The following FEV variants were observed in gnomAD, a reference collection of about 807,000 sequenced individuals.
FEV encodes protein FEV.
FEV carries 14 observed loss-of-function variants against 20.5 expected under a neutral mutation model. The observed-to-expected ratio is 0.68, with a 90% CI of 0.45 to 1.07. The LOEUF (loss-of-function observed/expected upper bound fraction) is 1.07, where lower values mean the gene tolerates loss of function less well. FEV is among the 50% of genes least tolerant of loss of function. FEV has a pLI of 0.00. For synonymous variants in FEV, 188 were observed against 163.7 expected (o/e 1.15, Z -1.13); for missense variants, 301 against 345.3 (o/e 0.87, Z 1.02).
chr2:218,982,873 C>A (rs1431829757), intron 2 of FEV, among the ~76,000 whole-genome samples: 1 of 152,204 alleles, frequency 6.6e-6, no homozygotes, highest in Non-Finnish European at 1.5e-5. Context: ...CCTTGGGACA[C>A]CACATCCGAC....
At chr2:218,983,348 CT>C (rs1252189314) in intron 2 of FEV, among the ~76,000 whole-genome samples, 6 of 152,208 alleles carry the variant, frequency 3.9e-5, no homozygotes, top group African/African-American at 1.4e-4. Flanking sequence ...CAAATATAGT[CT>C]TTTGAACCCC....
chr2:218,982,035 C>T lies in FEV; in HGVS notation c.349G>A (p.Val117Met), dbSNP rs1315840129. 6.2e-7 allele frequency: 1 copy of T among 1,613,520 alleles called. No individual in the cohort carries two copies. Among genetic ancestry groups the T allele is most frequent in the Non-Finnish European group, 8.5e-7 (1 of 1,179,826 alleles). Residue 117 changes from valine to methionine, a missense_variant, in exon 3 of 3, where the codon GTG (valine) becomes ATG (methionine). Physicochemically the swap from Val to Met is conservative, Grantham distance 21. Transcript: ENST00000295727. ...YYYDKNIMSK[V>M]HGKRYAYRFD... Reference sequence around the variant, plus strand: ...CGGTAGGCGTAGCGCTTGCCATGCACCTTGCTCATGATGTTCTTGTCGTAG... The same window carrying T: ...CGGTAGGCGTAGCGCTTGCCATGCATCTTGCTCATGATGTTCTTGTCGTAG...
chr2:218,982,003 G>A lies in FEV; in HGVS notation c.381C>T (p.Asp127=), dbSNP rs779397610. Residue 127 remains aspartate (D), a synonymous_variant, in exon 3 of 3, where the codon GAC becomes GAT. Coordinates refer to ENST00000295727, the MANE Select transcript of FEV (RefSeq NM_017521.3). The part of the protein sequence containing the change: ...VHGKRYAYRF[D]FQGLAQACQP... ...GGCAGGCCTGCGCCAGGCCCTGGAA[G>A]TCGAAGCGGTAGGCGTAGCGCTTGC... The A allele has an allele frequency of 4.3e-6, 7 of 1,611,476 alleles. No individual in the cohort carries two copies. The highest frequency in any genetic ancestry group is 5.9e-6 in the Non-Finnish European group (7 of 1,179,086).
intron 2 of FEV, among the ~76,000 whole-genome samples, chr2:218,982,849 G>A (rs921907546): frequency 1.2e-4 from 18 of 152,232 alleles, no homozygotes; most frequent in African/African-American, 4.3e-4. Flanking sequence ...CTGAGGTGGA[G>A]TGGTGGCTGG....
rs754550407 is a variant in FEV, at chr2:218,982,287, G to A, written c.128-31C>T. ...GGGAGGGGGGCGGTCAGCCACAGGC[G>A]GGAGCGGGGAGGCGGGAACTGGGGA... On this transcript the variant is annotated intron_variant, in intron 2 of 2. Transcript: ENST00000295727. 2.6e-6 allele frequency: 4 copies of A among 1,524,706 alleles called. No homozygotes were observed. The South Asian group carries it at 3.7e-5, about 14-fold the overall frequency. The allele number at this position is 1,524,706 out of a possible 1,614,324, so 94.4% of individuals were successfully genotyped here. A position where few individuals can be genotyped will look rare whatever the true frequency, so the allele number is the denominator to read the frequency against.
intron 2 of FEV, among the ~76,000 whole-genome samples, chr2:218,983,092 G>C (rs985176606): frequency 1.8e-4 from 28 of 152,206 alleles, no homozygotes; most frequent in African/African-American, 6.3e-4. Context: ...GGAACGGACC[G>C]AGCAGCTGTT....
chr2:218,983,365 C>CTTTTTTTTTTTTTTTTTTTTTTT (rs1559099849), intron 2 of FEV, among the ~76,000 whole-genome samples: 2 of 152,296 alleles, frequency 1.3e-5, no homozygotes, highest in African/African-American at 4.8e-5. Context: ...ACCCCTCTTA[C>CTTTTTTTTTTTTTTTTTTTTTTT]TTTTTCAGCC....
chr2:218,983,020 C>T (rs1318295128), intron 2 of FEV, among the ~76,000 whole-genome samples: 1 of 152,204 alleles, frequency 6.6e-6, no homozygotes, highest in Non-Finnish European at 1.5e-5. Context: ...TCGGAACAGG[C>T]GGGATTCCCT....
intron 2 of FEV, among the ~76,000 whole-genome samples, chr2:218,983,454 C>T (rs1945409427): frequency 6.6e-6 from 1 of 152,216 alleles, no homozygotes; most frequent in Non-Finnish European, 1.5e-5. Flanking sequence ...AAAGAGCTTC[C>T]TGGTTTCTGG....
At position 218,982,030 on chromosome 2, in the gene FEV, A is replaced by G. The variant is rs1409876459; in HGVS notation, c.354T>C (p.His118=). The change falls in exon 3 of 3, where the codon CAT becomes CAC. Residue 118 remains histidine, a synonymous_variant. Coordinates refer to ENST00000295727, the MANE Select transcript of FEV (RefSeq NM_017521.3). ...YYDKNIMSKV[H]GKRYAYRFDF... ...CGAAGCGGTAGGCGTAGCGCTTGCC[A>G]TGCACCTTGCTCATGATGTTCTTGT... 3 of 1,613,448 alleles carry G rather than the reference A, an allele frequency of 1.9e-6. No homozygotes were observed. Among genetic ancestry groups the G allele is most frequent in the Non-Finnish European group, 2.5e-6 (3 of 1,179,812 alleles).
Position 218,981,825 on chromosome 2 carries a change from C to A in FEV, c.559G>T (p.Val187Phe), listed in dbSNP as rs1945389547. The A allele has an allele frequency of 2.4e-6, 3 of 1,238,500 alleles. No individual in the cohort carries two copies. The highest frequency in any genetic ancestry group is 3.3e-5 in the East Asian group (1 of 30,694). The allele number at this position is 1,238,500 out of a possible 1,614,324, so 76.7% of individuals were successfully genotyped here. The part of the protein sequence containing the change: ...KLNLMAASAG[V>F]APAGFSYWPG... ...CAGTAGGAGAAGCCGGCGGGCGCGA[C>A]CCCGGCCGAGGCGGCCATGAGGTTG... Residue 187 changes from valine to phenylalanine, a missense_variant, in exon 3 of 3, where the codon GTC becomes TTC. Physicochemically the swap from Val to Phe is conservative, Grantham distance 50 (BLOSUM62 -1). Transcript: ENST00000295727. This position sits in a 1 kb window ranked among gnomAD's most constrained non-coding sequence, Gnocchi z 4.5.
In FEV at chr2:218,981,592, C is replaced by T. The variant is rs920365102; in HGVS notation, c.*75G>A. On this transcript the variant is annotated 3_prime_UTR_variant, in exon 3 of 3. Transcript: ENST00000295727. The surrounding 1 kb of genome is among the most constrained non-coding windows in gnomAD (Gnocchi z 4.5). ...GGACGGTTGACGGAGGCTCCCGGGCCCTCCCCGGGATGCCGATGGGATCGG... is the reference window on the plus strand; with the variant it reads ...GGACGGTTGACGGAGGCTCCCGGGCTCTCCCCGGGATGCCGATGGGATCGG... The T allele has an allele frequency of 1.7e-5, 20 of 1,148,474 alleles. No individual in the cohort carries two copies. The African/African-American group carries it at 3.0e-4, about 17-fold the overall frequency. The allele number at this position is 1,148,474 out of a possible 1,614,324, so 71.1% of individuals were successfully genotyped here.
chr2:218,983,192 C>T (rs917512369), intron 2 of FEV, among the ~76,000 whole-genome samples: 1 of 152,110 alleles, frequency 6.6e-6, no homozygotes, highest in African/African-American at 2.4e-5. Flanking sequence ...CCAGGATATG[C>T]GAGTGGTTAG....
In FEV at chr2:218,981,754, C is replaced by CGCGGCGGTG; in HGVS notation, c.621_629dup (p.Thr208_Ala210dup). ...GCTGCAAGCTGGGACTGGGGTAGAG[C>CGCGGCGGTG]GCGGCGGTGGCGGCGGCAGCGGTGG... On this transcript the variant is annotated inframe_insertion, in exon 3 of 3. Transcript: ENST00000295727. This position sits in a 1 kb window ranked among gnomAD's most constrained non-coding sequence, Gnocchi z 4.5. 1 of 1,284,318 alleles carries CGCGGCGGTG rather than the reference C, an allele frequency of 7.8e-7. No homozygotes were observed. The highest frequency in any genetic ancestry group is 3.1e-5 in the East Asian group (1 of 32,352). The allele number at this position is 1,284,318 out of a possible 1,614,324, so 79.6% of individuals were successfully genotyped here.
Position 218,981,806 on chromosome 2 carries a change from G to A in FEV, c.578C>T (p.Ser193Phe), listed in dbSNP as rs1204106163. ...GGCGGGGCCCGGGCCCGGCCAGTAG[G>A]AGAAGCCGGCGGGCGCGACCCCGGC... Reference protein sequence around the residue: ...ASAGVAPAGFSYWPGPGPAAT... With the variant: ...ASAGVAPAGFFYWPGPGPAAT... Residue 193 changes from serine to phenylalanine, a missense_variant, in exon 3 of 3, where the codon TCC (serine) becomes TTC (phenylalanine). By Grantham distance (155) the Ser-to-Phe change is radical. Coordinates refer to ENST00000295727, the MANE Select transcript of FEV (RefSeq NM_017521.3). The surrounding 1 kb of genome is among the most constrained non-coding windows in gnomAD (Gnocchi z 4.5). 6 of 1,246,900 alleles carry A rather than the reference G, an allele frequency of 4.8e-6. No homozygotes were observed. The highest frequency in any genetic ancestry group is 3.2e-5 in the East Asian group (1 of 31,200). 77.2% of individuals were successfully genotyped at this position (1,246,900 alleles called of 1,614,324 possible).
Position 218,984,284 on chromosome 2 carries a change from A to C in FEV, c.74T>G (p.Phe25Cys). The C allele has an allele frequency of 6.2e-7, 1 of 1,601,422 alleles. No individual in the cohort carries two copies. The highest frequency in any genetic ancestry group is 8.5e-7 in the Non-Finnish European group (1 of 1,174,166). ...CCAGCTCGGGTTCTTCCCGTCCTTGAAGAGACCGTCTCCGACGGGATCTGC... is the reference window on the plus strand; with the variant it reads ...CCAGCTCGGGTTCTTCCCGTCCTTGCAGAGACCGTCTCCGACGGGATCTGC... ...YLPDPVGDGL[F>C]KDGKNPSWGP... Residue 25 changes from phenylalanine to cysteine, a missense_variant, in exon 2 of 3, where the codon TTC becomes TGC. Physicochemically the swap from Phe to Cys is radical, Grantham distance 205. Transcript: ENST00000295727. The surrounding 1 kb of genome is among the most constrained non-coding windows in gnomAD (Gnocchi z 5.0).
At position 218,984,905 on chromosome 2, in the gene FEV, C is replaced by T; in HGVS notation, c.52+119G>A. 2 of 942,016 alleles carry T rather than the reference C, an allele frequency of 2.1e-6. No homozygotes were observed. The highest frequency in any genetic ancestry group is 2.9e-5 in the South Asian group (2 of 70,082). The allele number at this position is 942,016 out of a possible 1,614,324, so 58.4% of individuals were successfully genotyped here. Reference sequence around the variant, plus strand: ...CCTACATTACAATCGGCCCTCCATGCAACCCGAATCTCCGGACACTTCTCC... The same window carrying T: ...CCTACATTACAATCGGCCCTCCATGTAACCCGAATCTCCGGACACTTCTCC... On this transcript the variant is annotated intron_variant, in intron 1 of 2. Transcript: ENST00000295727. This position sits in a 1 kb window ranked among gnomAD's most constrained non-coding sequence, Gnocchi z 5.0.
Position 218,982,150 on chromosome 2 carries a change from C to G in FEV, c.234G>C (p.Thr78=), listed in dbSNP as rs750128101. 2.3e-5 allele frequency: 37 copies of G among 1,613,328 alleles called. No homozygotes were observed. The highest frequency in any genetic ancestry group is 3.0e-5 in the Non-Finnish European group (35 of 1,179,874). Residue 78 remains threonine (T), a synonymous_variant, in exon 3 of 3, where the codon ACG becomes ACC. Transcript: ENST00000295727. The stretch of plus-strand genomic sequence containing the variant: ...ACCGCCGCGCCACCTCGTCCGGGTC[C>G]GTGAGCTTGAACTCGCCGTGACCGC... The part of the protein sequence containing the change: ...WEGGHGEFKL[T]DPDEVARRWG...
In FEV at chr2:218,981,860, A is replaced by G. The variant is rs1387977075; in HGVS notation, c.524T>C (p.Leu175Pro). 5 of 1,233,276 alleles carry G rather than the reference A, an allele frequency of 4.1e-6. No homozygotes were observed. The highest frequency in any genetic ancestry group is 5.0e-6 in the Non-Finnish European group (5 of 993,106). 76.4% of individuals were successfully genotyped at this position (1,233,276 alleles called of 1,614,324 possible). ...AGLAPLPFPG[L>P]SKLNLMAASA... Reference sequence around the variant, plus strand: ...GGCGGCCATGAGGTTGAGTTTGGAGAGGCCGGGGAAGGGCAGCGGGGCGAG... The same window carrying G: ...GGCGGCCATGAGGTTGAGTTTGGAGGGGCCGGGGAAGGGCAGCGGGGCGAG... Residue 175 changes from leucine (L) to proline (P), a missense_variant, in exon 3 of 3, where the codon CTC becomes CCC. By Grantham distance (98) the Leu-to-Pro change is moderately conservative. Coordinates refer to ENST00000295727, the MANE Select transcript of FEV (RefSeq NM_017521.3). This position sits in a 1 kb window ranked among gnomAD's most constrained non-coding sequence, Gnocchi z 4.5.
Sources: allele counts gnomAD v4.1 joint callset (sites outside exome capture counted in the v4.1 genomes callset), GRCh38; gene constraint gnomAD v4.1.1; non-coding constraint Gnocchi (gnomAD v3.1); transcripts MANE v1.5; gene names NCBI Gene and HGNC (gene_info 2026-07-23, HGNC 2026-07-21).